The following CNGA3 variants were observed in gnomAD, a reference collection of about 807,000 sequenced individuals.
CNGA3 encodes cyclic nucleotide-gated channel alpha-3.
In CNGA3, 42 loss-of-function variants were observed where a neutral mutation model predicts 46.6. That is an observed-to-expected ratio of 0.90 (90% CI 0.70 to 1.17). The LOEUF is 1.17. Ranked by LOEUF, CNGA3 falls within the 50% of genes most tolerant of loss-of-function variation. CNGA3 has a pLI of 0.00. For synonymous variants in CNGA3, 394 were observed against 369.4 expected, an observed-to-expected ratio of 1.07 and a Z score of -0.76; for missense variants, 893 against 890.7, an observed-to-expected ratio of 1.00 and a Z score of -0.03.
chr2:98,371,698 A>G (rs1692292144), intron 2 of CNGA3, among the ~76,000 whole-genome samples: 1 of 152,220 alleles, frequency 6.6e-6, no homozygotes, highest in Non-Finnish European at 1.5e-5. Flanking sequence ...CTGGAGACTT[A>G]GTCCTCTAAG....
Position 98,396,839 on chromosome 2 carries a change from G to T in CNGA3, c.1669G>T (p.Gly557Trp). The T allele has an allele frequency of 6.2e-7, 1 of 1,614,182 alleles. No homozygotes were observed. The highest frequency in any genetic ancestry group is 8.5e-7 in the Non-Finnish European group (1 of 1,180,028). The change falls in exon 8 of 8, where the codon GGG (glycine) becomes TGG (tryptophan). Residue 557 changes from glycine to tryptophan, a missense_variant. By Grantham distance (184) the Gly-to-Trp change is radical (BLOSUM62 -2). Coordinates refer to ENST00000272602, the MANE Select transcript of CNGA3 (RefSeq NM_001298.3). ...GGAGATCAGCATTCTGAACATCAAG[G>T]GGAGCAAGTCGGGGAACCGCAGGAC... is the stretch of plus-strand genomic sequence containing the variant. ...FGEISILNIK[G>W]SKSGNRRTAN...
rs200657069 is a variant in CNGA3 at position 98,396,692 on chromosome 2, T to C, written c.1522T>C (p.Tyr508His). The change falls in exon 8 of 8, where the codon TAT (tyrosine) becomes CAT (histidine). Residue 508 changes from tyrosine to histidine, a missense_variant. Coordinates refer to ENST00000272602, the MANE Select transcript of CNGA3 (RefSeq NM_001298.3). Reference protein sequence around the residue: ...LRPTVFSPGDYICKKGDIGKE... With the variant: ...LRPTVFSPGDHICKKGDIGKE... ...ACCCACTGTGTTCAGCCCTGGGGATTATATCTGCAAGAAGGGAGATATTGG... is the reference window on the plus strand; with the variant it reads ...ACCCACTGTGTTCAGCCCTGGGGATCATATCTGCAAGAAGGGAGATATTGG... 1 of 1,614,172 alleles carries C rather than the reference T, an allele frequency of 6.2e-7. No individual in the cohort carries two copies. The highest frequency in any genetic ancestry group is 2.2e-5 in the East Asian group (1 of 44,868).
chr2:98,395,141 C>A (rs1447302949), intron 7 of CNGA3, among the ~76,000 whole-genome samples: 1 of 152,162 alleles, frequency 6.6e-6, no homozygotes, highest in Non-Finnish European at 1.5e-5. Context: ...TAAAAATAAA[C>A]CTCTAAATCA....
At chr2:98,349,392 G>A (rs961637371) in intron 1 of CNGA3, among the ~76,000 whole-genome samples, 1 of 152,230 alleles carries the variant, frequency 6.6e-6, no homozygotes, top group Admixed American at 6.5e-5. Context: ...AAGAAATGGA[G>A]ACTGCGTGCT....
intron 6 of CNGA3, 110 bp downstream of exon 6, chr2:98,389,884 G>T: frequency 2.7e-6 from 2 of 752,898 alleles, no homozygotes; most frequent in Non-Finnish European, 4.5e-6. Context: ...GACCCCTCAC[G>T]GCCACCACTT....
intron 1 of CNGA3, among the ~76,000 whole-genome samples, chr2:98,353,762 C>T (rs995506895): frequency 6.6e-6 from 1 of 152,168 alleles, no homozygotes; most frequent in African/African-American, 2.4e-5. Flanking sequence ...GCAGATGGTA[C>T]AGGAAGCATT....
chr2:98,388,886 A>T (rs1355431662), intron 5 of CNGA3, among the ~76,000 whole-genome samples: 1 of 152,254 alleles, frequency 6.6e-6, no homozygotes, highest in African/African-American at 2.4e-5. Context: ...GATGGAGCAC[A>T]GGAGCACTCT....
At chr2:98,384,603 G>T (rs142201421) in intron 5 of CNGA3, among the ~76,000 whole-genome samples, 95 of 152,316 alleles carry the variant, frequency 6.2e-4, no homozygotes, top group African/African-American at 2.2e-3. Flanking sequence ...AAAATGAGAT[G>T]ATTTTATCTA....
intron 6 of CNGA3, among the ~76,000 whole-genome samples, chr2:98,390,372 C>A (rs1335224013): frequency 6.6e-6 from 1 of 151,866 alleles, no homozygotes; most frequent in South Asian, 2.1e-4. Flanking sequence ...TGGTCTTGAA[C>A]TCCTCACCTC....
intron 1 of CNGA3, among the ~76,000 whole-genome samples, chr2:98,348,987 C>T (rs1034764728): frequency 8.5e-5 from 13 of 152,080 alleles, no homozygotes; most frequent in Admixed American, 8.5e-4. Flanking sequence ...AATCAACTGG[C>T]CAGCAAGAGA....
intron 1 of CNGA3, chr2:98,356,144 A>ATTTTGGAAAAGTG (rs1239310583): frequency 6.6e-6 from 1 of 152,186 alleles, no homozygotes; most frequent in African/African-American, 2.4e-5. Flanking sequence ...TTGGAAGAGT[A>ATTTTGGAAAAGTG]TTTTGGAAAA....
chr2:98,368,785 C>T (rs1269558493), intron 1 of CNGA3, among the ~76,000 whole-genome samples: 5 of 152,134 alleles, frequency 3.3e-5, no homozygotes, highest in East Asian at 1.9e-4. Context: ...GCCAGTGAAT[C>T]GGAAGTGCTG....
chr2:98,388,075 G>A (rs1692693657), intron 5 of CNGA3, among the ~76,000 whole-genome samples: 1 of 152,158 alleles, frequency 6.6e-6, no homozygotes, highest in Non-Finnish European at 1.5e-5. Context: ...CACGCTTCAG[G>A]AATAATAATA....
chr2:98,350,010 C>T (rs1691739436), intron 1 of CNGA3, among the ~76,000 whole-genome samples: 1 of 152,218 alleles, frequency 6.6e-6, no homozygotes, highest in Non-Finnish European at 1.5e-5. Context: ...AAAACTCTTT[C>T]CTGAACTCGG....
In CNGA3 at chr2:98,377,612, G is replaced by A. The variant is rs527554090; in HGVS notation, c.102-75G>A. On this transcript the variant is annotated intron_variant, in intron 2 of 7. Coordinates refer to ENST00000272602, the MANE Select transcript of CNGA3 (RefSeq NM_001298.3). Reference sequence around the variant, plus strand: ...TCCCTGCTAAGCAGAACATCTGACTGTCTCACTCCTGGCTGTGTCCAGGAG... The same window carrying A: ...TCCCTGCTAAGCAGAACATCTGACTATCTCACTCCTGGCTGTGTCCAGGAG... 121 of 1,385,456 alleles carry A rather than the reference G, an allele frequency of 8.7e-5. No individual in the cohort carries two copies. The African/African-American group carries it at 1.0e-3, about 12-fold the overall frequency. 85.8% of individuals were successfully genotyped at this position (1,385,456 alleles called of 1,614,324 possible). A position where few individuals can be genotyped will look rare whatever the true frequency, so the allele number is the denominator to read the frequency against.
At position 98,369,987 on chromosome 2, in the gene CNGA3, C is replaced by T. The variant is rs766645136; in HGVS notation, c.12C>T (p.Ile4=). 3 of 1,613,708 alleles carry T rather than the reference C, an allele frequency of 1.9e-6. No individual in the cohort carries two copies. The highest frequency in any genetic ancestry group is 2.2e-5 in the South Asian group (2 of 91,020). The change falls in exon 2 of 8, where the codon ATC becomes ATT. Residue 4 remains isoleucine, a synonymous_variant. Transcript: ENST00000272602. MAK[I]NTQYSHPSRT... ...GACAAACCGAGAAGATGGCCAAGAT[C>T]AACACCCAATACTCCCACCCCTCCA...
intron 1 of CNGA3, among the ~76,000 whole-genome samples, chr2:98,353,145 C>A (rs1691804947): frequency 6.6e-6 from 1 of 152,018 alleles, no homozygotes; most frequent in South Asian, 2.1e-4. Flanking sequence ...CACATATCTC[C>A]AAAATTTTTT....
rs548647097 is a variant in CNGA3, at chr2:98,383,585, G to A, written c.449+144G>A. 43 of 824,542 alleles carry A rather than the reference G, an allele frequency of 5.2e-5. 1 individual carries two copies. The highest frequency in any genetic ancestry group is 4.9e-4 in the South Asian group (33 of 66,836). 51.1% of individuals were successfully genotyped at this position (824,542 alleles called of 1,614,324 possible). A position where few individuals can be genotyped will look rare whatever the true frequency, so the allele number is the denominator to read the frequency against. ...AATATTTTAGAATCCTGTTCCCTTCGTTGGAATTCCATCCCTGTGGACAGA... is the reference window on the plus strand; with the variant it reads ...AATATTTTAGAATCCTGTTCCCTTCATTGGAATTCCATCCCTGTGGACAGA... On this transcript the variant is annotated intron_variant, in intron 5 of 7. Coordinates refer to ENST00000272602, the MANE Select transcript of CNGA3 (RefSeq NM_001298.3).
chr2:98,375,169 C>A (rs1206859010), intron 2 of CNGA3, among the ~76,000 whole-genome samples: 1 of 152,244 alleles, frequency 6.6e-6, no homozygotes, highest in African/African-American at 2.4e-5. Context: ...TTTTGCCTTC[C>A]TCACCCACTC....
Sources: allele counts gnomAD v4.1 joint callset (sites outside exome capture counted in the v4.1 genomes callset), GRCh38; gene constraint gnomAD v4.1.1; transcripts MANE v1.5; gene names NCBI Gene and HGNC (gene_info 2026-07-23, HGNC 2026-07-21).